Variants in ADGRA3 observed in about 807,000 individuals in gnomAD.
The protein encoded by ADGRA3 is G-protein coupled receptor 125.
In ADGRA3, 56 loss-of-function variants were observed where a neutral mutation model predicts 119.8. That is an observed-to-expected ratio of 0.47 (90% CI 0.38 to 0.58). The LOEUF (loss-of-function observed/expected upper bound fraction) is 0.58, where lower values mean the gene tolerates loss of function less well. Among genes scored for constraint, ADGRA3 ranks in the 20% least tolerant of loss-of-function variants. ADGRA3 has a pLI of 0.00. For synonymous variants in ADGRA3, 607 were observed against 623.8 expected (o/e 0.97, Z 0.40); for missense variants, 1,516 against 1,649.0 (o/e 0.92, Z 1.40).
chr4:22,388,600 T>C lies in ADGRA3; in HGVS notation c.3071A>G (p.Asp1024Gly), dbSNP rs200971638. The change falls in exon 19 of 19, where the codon GAC becomes GGC. Residue 1024 changes from aspartate (D) to glycine (G), a missense_variant. Asp to Gly is a moderately conservative substitution (Grantham distance 94). This residue lies in a region of ADGRA3 where 1,088 missense variants were observed against 1,107.1 expected (regional missense o/e 0.98). Transcript: ENST00000334304. ...ALAVSLYYPL[D>G]LVFSFVFGAT... Reference sequence around the variant, plus strand: ...TCCAAAAACGAAGCTAAAAACCAAGTCCAAAGGGTAATACAAAGAAACAGC... The same window carrying C: ...TCCAAAAACGAAGCTAAAAACCAAGCCCAAAGGGTAATACAAAGAAACAGC... 1.9e-6 allele frequency: 3 copies of C among 1,613,880 alleles called. No homozygotes were observed. The African/African-American group carries it at 4.0e-5, about 22-fold the overall frequency.
intron 16 of ADGRA3, chr4:22,398,194 T>C (rs1714449628): frequency 2.2e-6 from 2 of 914,752 alleles, no homozygotes; most frequent in South Asian, 5.0e-5. Context: ...AATACTAATA[T>C]AATAGTGGTA....
chr4:22,414,002 AAAG>A (rs1247882144), intron 12 of ADGRA3, 188 bp from the exon 13 acceptor site: 7 of 466,350 alleles, frequency 1.5e-5, no homozygotes, highest in East Asian at 1.4e-4. Context: ...ACATAGATTA[AAAG>A]AAGTATAAAA....
At position 22,388,551 on chromosome 4, in the gene ADGRA3, C is replaced by T. The variant is rs12700; in HGVS notation, c.3120G>A (p.Ala1040=). 19,148 of 1,614,010 alleles carry T rather than the reference C, an allele frequency of 0.012. 131 individuals are homozygous for T. Among genetic ancestry groups the T allele is most frequent in the Non-Finnish European group, 0.015 (17,635 of 1,179,978 alleles). ...TAACACAATGGTGGACCACGAAGAA[C>T]GCACTGAAGCTTAAACTTGTGGCTC... ...VFGATSLSFS[A]FFVVHHCVNR... The change falls in exon 19 of 19, where the codon GCG becomes GCA. Residue 1040 remains alanine (A), a synonymous_variant. Coordinates refer to ENST00000334304, the MANE Select transcript of ADGRA3 (RefSeq NM_145290.4).
intron 1 of ADGRA3, among the ~76,000 whole-genome samples, chr4:22,490,051 T>TA (rs1187146089): frequency 2.0e-5 from 3 of 152,210 alleles, no homozygotes; most frequent in East Asian, 3.8e-4. Context: ...TCTGACATTT[T>TA]AAAAAATAAA....
intron 2 of ADGRA3, among the ~76,000 whole-genome samples, chr4:22,473,411 C>A (rs765320573): frequency 2.6e-5 from 4 of 152,144 alleles, no homozygotes; most frequent in Non-Finnish European, 4.4e-5. Flanking sequence ...TGGTCCATGA[C>A]CTCTGGTATA....
intron 8 of ADGRA3, 45 bp from the exon 9 acceptor site, chr4:22,436,686 G>T (rs781397545): frequency 6.0e-6 from 9 of 1,497,518 alleles, no homozygotes; most frequent in Middle Eastern, 1.8e-4. Context: ...AAATGACACG[G>T]GTACATCAAG....
At position 22,478,892 on chromosome 4, in the gene ADGRA3, A is replaced by C. The variant is rs1718147061; in HGVS notation, c.258-5049T>G. On this transcript the variant is annotated intron_variant, in intron 1 of 18. Coordinates refer to ENST00000334304, the MANE Select transcript of ADGRA3 (RefSeq NM_145290.4). ...GGAAAAGAGCAAATAGGAAATTTGAAAATGTAGCACATTTAAAAATTTCTT... is the reference window on the plus strand; with the variant it reads ...GGAAAAGAGCAAATAGGAAATTTGACAATGTAGCACATTTAAAAATTTCTT... Among the ~76,000 whole-genome samples the C allele has an allele frequency of 3.3e-5, 5 of 152,342 alleles. No individual in the cohort carries two copies. In the South Asian group the frequency reaches 1.0e-3, roughly 32 times the overall value.
chr4:22,461,194 CGACATGGTAAT>C (rs1274776938), intron 3 of ADGRA3, among the ~76,000 whole-genome samples: 1 of 152,214 alleles, frequency 6.6e-6, no homozygotes, highest in Non-Finnish European at 1.5e-5. Context: ...CCGGCAAAGC[CGACATGGTAAT>C]GATTTTAGTA....
chr4:22,499,217 G>A (rs975516048), intron 1 of ADGRA3, among the ~76,000 whole-genome samples: 1 of 152,208 alleles, frequency 6.6e-6, no homozygotes, highest in Admixed American at 6.5e-5. Context: ...CATTAAATGT[G>A]CATGTAACTT....
chr4:22,389,134 C>A lies in ADGRA3; in HGVS notation c.2677G>T (p.Ala893Ser), dbSNP rs1407148896. 1 of 1,614,026 alleles carries A rather than the reference C, an allele frequency of 6.2e-7. No homozygotes were observed. The highest frequency in any genetic ancestry group is 1.1e-5 in the South Asian group (1 of 91,074). The change falls in exon 18 of 19, where the codon GCA becomes TCA. Residue 893 changes from alanine (A) to serine (S), a missense_variant. This residue lies in a region of ADGRA3 where 1,088 missense variants were observed against 1,107.1 expected (regional missense o/e 0.98). Transcript: ENST00000334304. ...GIPIIVCGIT[A>S]AANIKNYGSR... ...CCGTAATTCTTAATGTTCGCTGCTG[C>A]AGTTATGCCGCAAACAATGATGGGG...
In ADGRA3 at chr4:22,448,098, G is replaced by A. The variant is rs916417087; in HGVS notation, c.474-587C>T. On this transcript the variant is annotated intron_variant, in intron 4 of 18. Coordinates refer to ENST00000334304, the MANE Select transcript of ADGRA3 (RefSeq NM_145290.4). ...GGCTTCAATACATAACCTGAGTCTC[G>A]CAGCGTTTTGAATGAATGGAACTCA... Among the ~76,000 whole-genome samples the A allele has an allele frequency of 2.0e-5, 3 of 152,136 alleles. No homozygotes were observed. In the South Asian group the frequency reaches 6.2e-4, roughly 32 times the overall value.
chr4:22,426,012 T>G (rs979185711), intron 10 of ADGRA3, among the ~76,000 whole-genome samples: 1 of 152,244 alleles, frequency 6.6e-6, no homozygotes, highest in African/African-American at 2.4e-5. Context: ...TTTCTGAATG[T>G]TGTGGAGATT....
chr4:22,435,302 G>A lies in ADGRA3; in HGVS notation c.1443+9C>T. 6.2e-7 allele frequency: 1 copy of A among 1,607,692 alleles called. No homozygotes were observed. The highest frequency in any genetic ancestry group is 2.2e-5 in the East Asian group (1 of 44,782). On this transcript the variant is annotated intron_variant, in intron 10 of 18. Coordinates refer to ENST00000334304, the MANE Select transcript of ADGRA3 (RefSeq NM_145290.4). ...ACTGTATGCTACAAATCTGAATTTAGAGAAGTACCTCTTTTGATTTTTCCT... is the reference window on the plus strand; with the variant it reads ...ACTGTATGCTACAAATCTGAATTTAAAGAAGTACCTCTTTTGATTTTTCCT...
intron 16 of ADGRA3, among the ~76,000 whole-genome samples, chr4:22,398,991 T>C (rs902641847): frequency 1.3e-5 from 2 of 152,294 alleles, no homozygotes; most frequent in South Asian, 2.1e-4. Flanking sequence ...CCACCAACTA[T>C]GTAAAAGGAT....
chr4:22,409,640 A>C (rs1420063954), intron 14 of ADGRA3, among the ~76,000 whole-genome samples: 1 of 152,106 alleles, frequency 6.6e-6, no homozygotes, highest in African/African-American at 2.4e-5. Flanking sequence ...GCTGACACAT[A>C]AGTGCTTAAT....
At chr4:22,390,344 C>T (rs1171752602) in intron 17 of ADGRA3, among the ~76,000 whole-genome samples, 32 of 90,858 alleles carry the variant, frequency 3.5e-4, no homozygotes, top group African/African-American at 2.0e-3. Flanking sequence ...ATATAAAATA[C>T]ATATTATATA....
chr4:22,441,056 T>G (rs938864222), intron 7 of ADGRA3, among the ~76,000 whole-genome samples: 7 of 151,568 alleles, frequency 4.6e-5, no homozygotes, highest in Non-Finnish European at 8.8e-5. Context: ...TGAACAGGAG[T>G]TGATATGAGA....
At chr4:22,480,854 C>T (rs1336078156) in intron 1 of ADGRA3, among the ~76,000 whole-genome samples, 1 of 152,126 alleles carries the variant, frequency 6.6e-6, no homozygotes, top group Non-Finnish European at 1.5e-5. Flanking sequence ...GGTATTCACA[C>T]AGAAAGATCA....
At chr4:22,467,765 T>C (rs1717712113) in intron 2 of ADGRA3, among the ~76,000 whole-genome samples, 1 of 152,118 alleles carries the variant, frequency 6.6e-6, no homozygotes. Context: ...ATCCCCTTTT[T>C]CCCCCACCAA....
Sources: allele counts gnomAD v4.1 joint callset (sites outside exome capture counted in the v4.1 genomes callset), GRCh38; gene constraint gnomAD v4.1.1; regional missense constraint gnomAD v4.1.1; transcripts MANE v1.5; gene names NCBI Gene and HGNC (gene_info 2026-07-23, HGNC 2026-07-21).